The following KCNIP4 variants were observed in gnomAD, a reference collection of about 807,000 sequenced individuals.
KCNIP4 encodes the protein potassium voltage-gated channel interacting protein 4.
A neutral mutation model predicts 34.0 loss-of-function variants in KCNIP4; 12 were observed. That is an observed-to-expected ratio of 0.35 (90% confidence interval 0.23 to 0.57). KCNIP4 has a LOEUF of 0.57. KCNIP4 is among the 20% of genes least tolerant of loss of function. KCNIP4 has a pLI of 0.83. For synonymous variants in KCNIP4, 124 were observed against 102.2 expected (o/e 1.21, Z -1.29); for missense variants, 238 against 311.7 (o/e 0.76, Z 1.78).
In KCNIP4 at chr4:21,099,180, G is replaced by T. The variant is rs1187521799; in HGVS notation, c.62-216471C>A. Among the ~76,000 whole-genome samples, 3 of 152,122 alleles carry T rather than the reference G, an allele frequency of 2.0e-5. No individual in the cohort carries two copies. In the South Asian group the frequency reaches 6.2e-4, roughly 31 times the overall value. On this transcript the variant is annotated intron_variant, in intron 1 of 8. Coordinates refer to ENST00000382152, the MANE Select transcript of KCNIP4 (RefSeq NM_025221.6). ...AAATACATGCACACACATGTTAATT[G>T]CAGCACTATTCACAATAGCAAAGAC...
chr4:20,900,728 T>C (rs973018271), intron 1 of KCNIP4, among the ~76,000 whole-genome samples: 6 of 151,654 alleles, frequency 4.0e-5, no homozygotes, highest in Non-Finnish European at 8.8e-5. Context: ...TTGGGGAAAG[T>C]GGGGAAGGAG....
chr4:21,322,933 C>G (rs1334631888), intron 1 of KCNIP4, among the ~76,000 whole-genome samples: 1 of 151,940 alleles, frequency 6.6e-6, no homozygotes, highest in East Asian at 1.9e-4. Context: ...TTGCCCAAGG[C>G]ATAACATTTA....
At chr4:21,634,223 C>CAAAAAAAA (rs376741978) in intron 1 of KCNIP4, among the ~76,000 whole-genome samples, 3 of 112,516 alleles carry the variant, frequency 2.7e-5, no homozygotes, top group Non-Finnish European at 3.7e-5. Flanking sequence ...GTTCTTTCCT[C>CAAAAAAAA]AAAAAAAAAA....
intron 3 of KCNIP4, among the ~76,000 whole-genome samples, chr4:20,796,898 A>G (rs1713550961): frequency 6.6e-6 from 1 of 152,244 alleles, no homozygotes; most frequent in African/African-American, 2.4e-5. Context: ...CTCAGTGCAG[A>G]TCAAAATTCT....
intron 2 of KCNIP4, among the ~76,000 whole-genome samples, chr4:20,858,211 CA>C (rs778798968): frequency 5.7e-3 from 402 of 70,618 alleles, no homozygotes; most frequent in Non-Finnish European, 8.5e-3. Context: ...AACTCCATCT[CA>C]AAAAAAAAAA....
At chr4:21,026,924 T>A (rs1218266083) in intron 1 of KCNIP4, among the ~76,000 whole-genome samples, 2 of 151,588 alleles carry the variant, frequency 1.3e-5, no homozygotes, top group African/African-American at 4.8e-5. Context: ...TAGGCAAGAG[T>A]TGGATGATGC....
At chr4:21,133,327 A>T (rs1286737849) in intron 1 of KCNIP4, among the ~76,000 whole-genome samples, 1 of 152,196 alleles carries the variant, frequency 6.6e-6, no homozygotes, top group Non-Finnish European at 1.5e-5. Flanking sequence ...GGAGAGAGAG[A>T]GTACATTATC....
intron 1 of KCNIP4, among the ~76,000 whole-genome samples, chr4:21,779,877 G>A (rs6448077): frequency 0.64 from 97,207 of 151,424 alleles, 32,309 homozygotes; most frequent in Non-Finnish European, 0.73. Context: ...GCTGCAGTGA[G>A]CTATAATTGT....
At chr4:21,207,425 CT>C (rs1756925284) in intron 1 of KCNIP4, among the ~76,000 whole-genome samples, 1 of 152,020 alleles carries the variant, frequency 6.6e-6, no homozygotes, top group South Asian at 2.1e-4. Flanking sequence ...TCTTTTTAAG[CT>C]TTGCTAAATT....
rs529855295 is a variant in KCNIP4, at chr4:20,743,568, T to C, written c.429+6094A>G. 2.2e-3 allele frequency among the ~76,000 whole-genome samples: 332 copies of C among 152,322 alleles called. 8 individuals are homozygous for C. The South Asian group carries it at 0.042, about 19-fold the overall frequency. ...GTGCTGGGAAAACTGGCTAGCCATA[T>C]GTAGAAAGCTGAAACTGGATCCCTT... is the stretch of plus-strand genomic sequence containing the variant. On this transcript the variant is annotated intron_variant, in intron 5 of 8. Coordinates refer to ENST00000382152, the MANE Select transcript of KCNIP4 (RefSeq NM_025221.6).
chr4:21,041,899 G>A (rs541995379), intron 1 of KCNIP4, among the ~76,000 whole-genome samples: 4 of 152,270 alleles, frequency 2.6e-5, no homozygotes, highest in South Asian at 2.1e-4. Context: ...CAGTAGAACC[G>A]TGTTTGATGT....
chr4:20,737,832 C>G (rs1376408320), intron 5 of KCNIP4, among the ~76,000 whole-genome samples: 1 of 152,156 alleles, frequency 6.6e-6, no homozygotes, highest in African/African-American at 2.4e-5. Flanking sequence ...TATGAGTGTA[C>G]ATCTTGCACA....
chr4:21,452,142 TA>T (rs1471637705), intron 1 of KCNIP4, among the ~76,000 whole-genome samples: 3 of 152,090 alleles, frequency 2.0e-5, no homozygotes, highest in African/African-American at 4.8e-5. Flanking sequence ...TGTGATTATC[TA>T]CACAAGATGA....
intron 1 of KCNIP4, among the ~76,000 whole-genome samples, chr4:21,520,816 T>C (rs1309596865): frequency 6.6e-6 from 1 of 152,190 alleles, no homozygotes; most frequent in Non-Finnish European, 1.5e-5. Flanking sequence ...AAATGTGTGA[T>C]ATTTATAGAC....
At chr4:21,154,488 T>C (rs142084856) in intron 1 of KCNIP4, among the ~76,000 whole-genome samples, 1 of 152,186 alleles carries the variant, frequency 6.6e-6, no homozygotes, top group Non-Finnish European at 1.5e-5. Context: ...CCCTGTGTCA[T>C]CCTCTATTGC....
chr4:21,211,398 T>C (rs1757211961), intron 1 of KCNIP4, among the ~76,000 whole-genome samples: 1 of 152,192 alleles, frequency 6.6e-6, no homozygotes, highest in South Asian at 2.1e-4. Context: ...GCCTGAGCTC[T>C]ACCTTCTGTT....
At chr4:20,738,223 T>C (rs772112681) in intron 5 of KCNIP4, among the ~76,000 whole-genome samples, 4 of 152,202 alleles carry the variant, frequency 2.6e-5, no homozygotes, top group South Asian at 2.1e-4. Flanking sequence ...CTGAGCAGTT[T>C]TGAAAGGCTA....
chr4:21,021,200 G>A (rs1259226406), intron 1 of KCNIP4, among the ~76,000 whole-genome samples: 1 of 152,108 alleles, frequency 6.6e-6, no homozygotes, highest in East Asian at 1.9e-4. Flanking sequence ...CATAGAAGAA[G>A]TACAGTACAA....
intron 3 of KCNIP4, among the ~76,000 whole-genome samples, chr4:20,790,866 G>C (rs1382373845): frequency 6.6e-6 from 1 of 152,040 alleles, no homozygotes; most frequent in Non-Finnish European, 1.5e-5. Context: ...AGTGCCATTT[G>C]GATTATTTTG....
Sources: allele counts gnomAD v4.1 joint callset (sites outside exome capture counted in the v4.1 genomes callset), GRCh38; gene constraint gnomAD v4.1.1; transcripts MANE v1.5; gene names NCBI Gene and HGNC (gene_info 2026-07-23, HGNC 2026-07-21).